CBX5: variants seen among roughly 807,000 people sequenced by gnomAD.
The protein encoded by CBX5 is chromobox protein homolog 5.
A neutral mutation model predicts 20.7 loss-of-function variants in CBX5; 7 were observed. That is an observed-to-expected ratio of 0.34 (90% CI 0.19 to 0.63). The LOEUF (loss-of-function observed/expected upper bound fraction) is 0.63. Ranked by LOEUF, CBX5 falls within the 30% of genes least tolerant of loss-of-function variation. The pLI is 0.75. For missense variants in CBX5, 110 were observed against 224.1 expected, an observed-to-expected ratio of 0.49 and a Z score of 3.25; for synonymous variants, 78 against 77.0, an observed-to-expected ratio of 1.01 and a Z score of -0.07.
Position 54,231,004 on chromosome 12 carries a change from A to C in CBX5, c.*10751T>G, listed in dbSNP as rs1943563323. 1 of 152,224 alleles carries C rather than the reference A, an allele frequency of 6.6e-6. No homozygotes were observed. Among genetic ancestry groups the C allele is most frequent in the African/African-American group, 2.4e-5 (1 of 41,448 alleles). The allele number at this position is 152,224 out of a possible 1,614,324, so 9.4% of individuals were successfully genotyped here. On this transcript the variant is annotated 3_prime_UTR_variant, in exon 5 of 5. Coordinates refer to ENST00000209875, the MANE Select transcript of CBX5 (RefSeq NM_012117.3). ...AGAGTATGAAAAGGGGGAAAAGAGGAGGGTAGAAGAGGGGGAGAGAATGAG... is the reference window on the plus strand; with the variant it reads ...AGAGTATGAAAAGGGGGAAAAGAGGCGGGTAGAAGAGGGGGAGAGAATGAG...
intron 2 of CBX5, among the ~76,000 whole-genome samples, chr12:54,256,909 G>C (rs145399144): frequency 2.6e-5 from 4 of 152,204 alleles, no homozygotes; most frequent in Non-Finnish European, 5.9e-5. Flanking sequence ...AGTCACCCAG[G>C]CTGGAGTGCA....
intron 1 of CBX5, among the ~76,000 whole-genome samples, chr12:54,260,543 TAA>T (rs200040287): frequency 2.8e-5 from 4 of 140,640 alleles, no homozygotes. Context: ...CTAAGAAGCT[TAA>T]AAAAAAAAAA....
intron 2 of CBX5, among the ~76,000 whole-genome samples, chr12:54,253,871 C>T (rs545221727): frequency 2.0e-5 from 3 of 150,164 alleles, no homozygotes; most frequent in African/African-American, 4.9e-5. Context: ...AGCCATTCTT[C>T]GGCCTCAGCC....
At chr12:54,256,503 T>G (rs1204528314) in intron 2 of CBX5, among the ~76,000 whole-genome samples, 1 of 152,186 alleles carries the variant, frequency 6.6e-6, no homozygotes, top group East Asian at 1.9e-4. Context: ...CCAAAAGTAT[T>G]GGTAAACCAC....
At chr12:54,252,271 A>G (rs1418987866) in intron 2 of CBX5, 44 bp from the exon 3 acceptor site, 9 of 1,436,258 alleles carry the variant, frequency 6.3e-6, no homozygotes, top group Non-Finnish European at 7.5e-6. Flanking sequence ...AGGGGGGGGT[A>G]AAGAATGAGG....
At chr12:54,269,699 T>C (rs2137029956) in intron 1 of CBX5, among the ~76,000 whole-genome samples, 1 of 152,268 alleles carries the variant, frequency 6.6e-6, no homozygotes, top group East Asian at 1.9e-4. Flanking sequence ...GGCCTGGCGT[T>C]TTCTTTGTGG....
chr12:54,234,526 T>C lies in CBX5; in HGVS notation c.*7229A>G, dbSNP rs1330889632. 11 of 152,244 alleles carry C rather than the reference T, an allele frequency of 7.2e-5. No individual in the cohort carries two copies. The allele number at this position is 152,244 out of a possible 1,614,324, so 9.4% of individuals were successfully genotyped here. Reference sequence around the variant, plus strand: ...TCACTGCATTCAATTTGGCCTAATTTCTTGATAATAGTTTCCTATTAGATT... The same window carrying C: ...TCACTGCATTCAATTTGGCCTAATTCCTTGATAATAGTTTCCTATTAGATT... On this transcript the variant is annotated 3_prime_UTR_variant, in exon 5 of 5. Coordinates refer to ENST00000209875, the MANE Select transcript of CBX5 (RefSeq NM_012117.3).
At chr12:54,249,663 G>A (rs1161727889) in intron 3 of CBX5, among the ~76,000 whole-genome samples, 1 of 152,110 alleles carries the variant, frequency 6.6e-6, no homozygotes, top group Admixed American at 6.6e-5. Flanking sequence ...AAAAGGAATG[G>A]AAGCTGGGGG....
At chr12:54,243,422 A>G (rs563043177) in intron 4 of CBX5, among the ~76,000 whole-genome samples, 1 of 152,178 alleles carries the variant, frequency 6.6e-6, no homozygotes, top group Non-Finnish European at 1.5e-5. Flanking sequence ...TTAGCAGGCC[A>G]TGGTGGCATG....
At chr12:54,267,641 A>G (rs1943968583) in intron 1 of CBX5, among the ~76,000 whole-genome samples, 1 of 151,810 alleles carries the variant, frequency 6.6e-6, no homozygotes, top group Admixed American at 6.6e-5. Context: ...CCTCCCGAGT[A>G]GCTGGAACTA....
At chr12:54,256,485 G>A (rs1943864218) in intron 2 of CBX5, among the ~76,000 whole-genome samples, 1 of 152,160 alleles carries the variant, frequency 6.6e-6, no homozygotes, top group South Asian at 2.1e-4. Context: ...TTGACACATA[G>A]CCTTTATCCA....
chr12:54,256,839 G>A, intron 2 of CBX5, among the ~76,000 whole-genome samples: 1 of 152,134 alleles, frequency 6.6e-6, no homozygotes, highest in Non-Finnish European at 1.5e-5. Flanking sequence ...GCTCACTTGA[G>A]CCTGGAAGTT....
At chr12:54,274,830 C>G (rs1288654935) in intron 1 of CBX5, among the ~76,000 whole-genome samples, 1 of 152,134 alleles carries the variant, frequency 6.6e-6, no homozygotes, top group Non-Finnish European at 1.5e-5. Context: ...GTCCCAGCTA[C>G]TCGGGAGGCT....
At chr12:54,278,953 G>A (rs1439518691) in intron 1 of CBX5, 1 of 152,188 alleles carries the variant, frequency 6.6e-6, no homozygotes, top group Non-Finnish European at 1.5e-5. Context: ...ACATAAAACA[G>A]AAAAGGGGTT....
chr12:54,239,240 A>G lies in CBX5; in HGVS notation c.*2515T>C, dbSNP rs548879248. 2 of 152,350 alleles carry G rather than the reference A, an allele frequency of 1.3e-5. No homozygotes were observed. Among genetic ancestry groups the G allele is most frequent in the African/African-American group, 2.4e-5 (1 of 41,584 alleles). 9.4% of individuals were successfully genotyped at this position (152,350 alleles called of 1,614,324 possible). The stretch of plus-strand genomic sequence containing the variant: ...ATACTGGGGTTATTTCGGTAAAAGA[A>G]TATCAGATTTTTATGAATGTCTTAA... On this transcript the variant is annotated 3_prime_UTR_variant, in exon 5 of 5. Coordinates refer to ENST00000209875, the MANE Select transcript of CBX5 (RefSeq NM_012117.3).
intron 1 of CBX5, among the ~76,000 whole-genome samples, chr12:54,274,673 C>A (rs1394279866): frequency 6.6e-6 from 1 of 152,168 alleles, no homozygotes; most frequent in Non-Finnish European, 1.5e-5. Context: ...GGCACAGTGG[C>A]TCATGCCTGT....
chr12:54,238,981 A>T lies in CBX5; in HGVS notation c.*2774T>A, dbSNP rs1943650246. ...AAACAGGTTTCTGTTTGAGGCTGTAATTCTTCTAGGGCAAGAACATCTACT... is the reference window on the plus strand; with the variant it reads ...AAACAGGTTTCTGTTTGAGGCTGTATTTCTTCTAGGGCAAGAACATCTACT... On this transcript the variant is annotated 3_prime_UTR_variant, in exon 5 of 5. Coordinates refer to ENST00000209875, the MANE Select transcript of CBX5 (RefSeq NM_012117.3). 6.6e-6 allele frequency: 1 copy of T among 152,212 alleles called. No homozygotes were observed. The highest frequency in any genetic ancestry group is 6.5e-5 in the Admixed American group (1 of 15,284). The allele number at this position is 152,212 out of a possible 1,614,324, so 9.4% of individuals were successfully genotyped here.
At chr12:54,255,549 A>G (rs1262169961) in intron 2 of CBX5, 3 of 129,658 alleles carry the variant, frequency 2.3e-5, no homozygotes, top group African/African-American at 3.2e-5. Flanking sequence ...ATAGTGAGAG[A>G]CTCTGTCTCA....
At chr12:54,255,878 C>T (rs1943858378) in intron 2 of CBX5, 1 of 152,704 alleles carries the variant, frequency 6.5e-6, no homozygotes, top group South Asian at 2.1e-4. Flanking sequence ...TCCCTAGTAG[C>T]TGGGACCACG....
Sources: gnomAD v4.1 joint callset for allele counts (sites outside exome capture counted in the v4.1 genomes callset) on GRCh38, gnomAD v4.1.1 for gene constraint, MANE v1.5 for transcripts, NCBI Gene and HGNC (gene_info 2026-07-23, HGNC 2026-07-21) for gene names.